The following TRABD2A variants were observed in gnomAD, a reference collection of about 807,000 sequenced individuals.
TRABD2A encodes the protein TraB domain containing 2A.
In TRABD2A, 43 loss-of-function variants were observed where a neutral mutation model predicts 45.6. The observed-to-expected ratio is 0.94, with a 90% CI of 0.74 to 1.22. TRABD2A has a LOEUF of 1.22. Ranked by LOEUF, TRABD2A falls within the 50% of genes most tolerant of loss-of-function variation. The probability of loss-of-function intolerance (pLI) is 0.00; values close to 1 mark genes in which losing one functional copy is unlikely to be tolerated. For missense variants in TRABD2A, 642 were observed against 652.4 expected, an observed-to-expected ratio of 0.98 and a Z score of 0.17; for synonymous variants, 269 against 265.0, an observed-to-expected ratio of 1.02 and a Z score of -0.15.
intron 2 of TRABD2A, among the ~76,000 whole-genome samples, chr2:84,856,172 C>T (rs1682295339): frequency 6.6e-6 from 1 of 152,028 alleles, no homozygotes; most frequent in East Asian, 1.9e-4. Flanking sequence ...TCTCCCTTGC[C>T]CTCAGACCAT....
At chr2:84,832,267 A>C in intron 4 of TRABD2A, 122 bp from the exon 5 acceptor site, 2 of 978,532 alleles carry the variant, frequency 2.0e-6, no homozygotes, top group Non-Finnish European at 3.1e-6. Context: ...TGTCCAGCAC[A>C]GTACAGTTCT....
At chr2:84,874,952 A>T in intron 1 of TRABD2A, 1 of 165,632 alleles carries the variant, frequency 6.0e-6, no homozygotes, top group Non-Finnish European at 1.3e-5. Flanking sequence ...CAACAGATGC[A>T]TCACCAATCT....
chr2:84,836,702 G>A (rs1380639297), intron 4 of TRABD2A: 2 of 152,006 alleles, frequency 1.3e-5, no homozygotes, highest in African/African-American at 2.4e-5. Flanking sequence ...TGTCTCACAG[G>A]TATCTGAAGA....
intron 2 of TRABD2A, among the ~76,000 whole-genome samples, chr2:84,856,966 G>A (rs1055964336): frequency 6.6e-6 from 1 of 152,192 alleles, no homozygotes; most frequent in Non-Finnish European, 1.5e-5. Flanking sequence ...ACAGGACTGT[G>A]ACCTTGTAAA....
chr2:84,863,511 T>C (rs1426787616), intron 2 of TRABD2A, among the ~76,000 whole-genome samples: 1 of 151,020 alleles, frequency 6.6e-6, no homozygotes, highest in East Asian at 1.9e-4. Context: ...GGATTACAGG[T>C]GTGAGCCACC....
At chr2:84,870,109 A>C in intron 2 of TRABD2A, 116 bp downstream of exon 2, 1 of 1,107,562 alleles carries the variant, frequency 9.0e-7, no homozygotes, top group Non-Finnish European at 1.3e-6. Context: ...AAGCATTTTT[A>C]AGCAAAGACA....
At chr2:84,855,193 A>G (rs1682232589) in intron 2 of TRABD2A, among the ~76,000 whole-genome samples, 1 of 152,194 alleles carries the variant, frequency 6.6e-6, no homozygotes, top group South Asian at 2.1e-4. Flanking sequence ...TAGGCCAAAT[A>G]CCAATTGCCT....
intron 4 of TRABD2A, chr2:84,837,677 C>T (rs1681563662): frequency 6.6e-6 from 1 of 152,278 alleles, no homozygotes; most frequent in African/African-American, 2.4e-5. Context: ...GCAAGTTTCC[C>T]AACCTTTGCA....
intron 2 of TRABD2A, among the ~76,000 whole-genome samples, chr2:84,863,237 A>ATTTTTTT (rs1559095739): frequency 5.4e-5 from 7 of 129,542 alleles, no homozygotes; most frequent in Non-Finnish European, 9.8e-5. Flanking sequence ...CTTCATGTGA[A>ATTTTTTT]TCTTTTTTTT....
chr2:84,823,478 C>G (rs751586682), intron 6 of TRABD2A, among the ~76,000 whole-genome samples: 2 of 152,184 alleles, frequency 1.3e-5, no homozygotes, highest in Admixed American at 6.5e-5. Context: ...CCTGCAGACT[C>G]AGGCTCGCCT....
intron 2 of TRABD2A, among the ~76,000 whole-genome samples, chr2:84,854,499 G>T (rs1266137587): frequency 1.3e-5 from 2 of 152,154 alleles, no homozygotes; most frequent in East Asian, 3.9e-4. Flanking sequence ...ACTCAGAAAG[G>T]TTCAATATCT....
intron 2 of TRABD2A, among the ~76,000 whole-genome samples, chr2:84,845,329 G>A (rs1272318778): frequency 1.3e-5 from 2 of 152,196 alleles, no homozygotes; most frequent in East Asian, 3.9e-4. Context: ...TCCAGCCTGG[G>A]CAACAGAGCA....
chr2:84,829,502 C>G (rs1029183153), intron 5 of TRABD2A, among the ~76,000 whole-genome samples: 1 of 149,988 alleles, frequency 6.7e-6, no homozygotes, highest in Non-Finnish European at 1.5e-5. Context: ...ACAACTCACA[C>G]ATCAGACATG....
At chr2:84,873,648 G>T (rs1360882121) in intron 1 of TRABD2A, among the ~76,000 whole-genome samples, 3 of 152,108 alleles carry the variant, frequency 2.0e-5, no homozygotes, top group East Asian at 1.9e-4. Context: ...AGATCAAAAG[G>T]GTAGAAGACA....
intron 2 of TRABD2A, among the ~76,000 whole-genome samples, chr2:84,854,400 T>C (rs1052595736): frequency 2.0e-5 from 3 of 152,210 alleles, no homozygotes; most frequent in Non-Finnish European, 4.4e-5. Flanking sequence ...CATTATGCAC[T>C]GGGCACTTTA....
chr2:84,841,898 T>C lies in TRABD2A; in HGVS notation c.779A>G (p.Asp260Gly). The change falls in exon 3 of 7, where the codon GAC becomes GGC. Residue 260 changes from aspartate to glycine, a missense_variant. By Grantham distance (94) the Asp-to-Gly change is moderately conservative (BLOSUM62 -1). Coordinates refer to ENST00000409520, the MANE Select transcript of TRABD2A (RefSeq NM_001277053.2). ...ATGGCTGAGGATGACGGAGCTGAGG[T>C]CCCCGCAGTTATAGTGTTTGATGAG... is the stretch of plus-strand genomic sequence containing the variant. ...EDLIKHYNCG[D>G]LSSVILSHDS... 1.9e-6 allele frequency: 3 copies of C among 1,546,588 alleles called. No homozygotes were observed. The highest frequency in any genetic ancestry group is 2.6e-6 in the Non-Finnish European group (3 of 1,145,716).
chr2:84,860,653 C>T (rs997912778), intron 2 of TRABD2A, among the ~76,000 whole-genome samples: 2 of 152,216 alleles, frequency 1.3e-5, no homozygotes, highest in African/African-American at 4.8e-5. Context: ...GGGAGAGGAC[C>T]AGAAAAGCAA....
At chr2:84,836,295 C>G (rs1026521638) in intron 4 of TRABD2A, 16 of 152,322 alleles carry the variant, frequency 1.1e-4, no homozygotes, top group Admixed American at 5.2e-4. Context: ...CAACAGATTT[C>G]TCCTTCGTTT....
chr2:84,880,117 G>T (rs1246779401), intron 1 of TRABD2A, among the ~76,000 whole-genome samples: 1 of 151,920 alleles, frequency 6.6e-6, no homozygotes, highest in Non-Finnish European at 1.5e-5. Flanking sequence ...AACCTATGCC[G>T]CACTCAGAAG....
Sources: gnomAD v4.1 joint callset for allele counts (sites outside exome capture counted in the v4.1 genomes callset) on GRCh38, gnomAD v4.1.1 for gene constraint, MANE v1.5 for transcripts, NCBI Gene and HGNC (gene_info 2026-07-23, HGNC 2026-07-21) for gene names.